Variants in QARS1 observed in about 807,000 individuals in gnomAD.
QARS1 encodes glutaminyl-tRNA synthetase 1.
QARS1 carries 79 observed loss-of-function variants against 106.9 expected under a neutral mutation model. The observed-to-expected ratio is 0.74, with a 90% CI of 0.62 to 0.89. The LOEUF (loss-of-function observed/expected upper bound fraction) is 0.89. Ranked by LOEUF, QARS1 falls within the 40% of genes least tolerant of loss-of-function variation. QARS1 has a pLI of 0.00. For synonymous variants in QARS1, 395 were observed against 367.7 expected, an observed-to-expected ratio of 1.07 and a Z score of -0.85; for missense variants, 966 against 997.2, an observed-to-expected ratio of 0.97 and a Z score of 0.42.
Position 49,098,819 on chromosome 3 carries a change from G to A in QARS1, c.1863+66C>T, listed in dbSNP as rs2042426761. The A allele has an allele frequency of 2.7e-6, 4 of 1,508,394 alleles. No individual in the cohort carries two copies. In the South Asian group the frequency reaches 3.4e-5, roughly 13 times the overall value. The allele number at this position is 1,508,394 out of a possible 1,614,324, so 93.4% of individuals were successfully genotyped here. A position where few individuals can be genotyped will look rare whatever the true frequency, so the allele number is the denominator to read the frequency against. On this transcript the variant is annotated intron_variant, in intron 19 of 23. Transcript: ENST00000306125. The stretch of plus-strand genomic sequence containing the variant: ...AGGAAGTAGATGGACTGACAGAGAT[G>A]AGGAGATGAAAGGTTCCCAGTACCA...
At chr3:49,098,313 G>T (rs201648871) in intron 21 of QARS1, 40 bp downstream of exon 21, 1 of 1,614,212 alleles carries the variant, frequency 6.2e-7, no homozygotes, top group East Asian at 2.2e-5. Context: ...CAGGCAATGT[G>T]CATCTTGTAC....
At chr3:49,097,501 A>T (rs1197118921) in intron 23 of QARS1, among the ~76,000 whole-genome samples, 3 of 143,942 alleles carry the variant, frequency 2.1e-5, no homozygotes, top group East Asian at 2.1e-4. Context: ...AATAATAATT[A>T]AAAAAAAAAA....
intron 17 of QARS1, 39 bp from the exon 18 acceptor site, chr3:49,099,292 C>T (rs1356489930): frequency 6.2e-7 from 1 of 1,614,042 alleles, no homozygotes; most frequent in Non-Finnish European, 8.5e-7. Context: ...GCTACAATCA[C>T]AAACTGCCAC....
At chr3:49,103,478 A>G in intron 4 of QARS1, 69 bp from the exon 5 acceptor site, 2 of 1,600,630 alleles carry the variant, frequency 1.2e-6, no homozygotes, top group Non-Finnish European at 1.7e-6. Context: ...TTTCCCAAGG[A>G]AAGGTCCTGG....
At chr3:49,099,033 T>C (rs758527254) in intron 18 of QARS1, 44 bp from the exon 19 acceptor site, 2 of 1,612,210 alleles carry the variant, frequency 1.2e-6, no homozygotes, top group African/African-American at 1.3e-5. Flanking sequence ...TACTCAGCAT[T>C]AGGACCCCCA....
Position 49,099,129 on chromosome 3 carries a change from GTGA to G in QARS1, c.1736_1738del (p.Ile579del). ...GCCCACCTTGGCAGCAGGAAAGTTG[GTGA>G]TGATGACCCGTAGTGACTCCAGCAC... is the stretch of plus-strand genomic sequence containing the variant. On this transcript the variant is annotated inframe_deletion, in exon 18 of 24. Coordinates refer to ENST00000306125, the MANE Select transcript of QARS1 (RefSeq NM_005051.3). 1 of 1,614,200 alleles carries G rather than the reference GTGA, an allele frequency of 6.2e-7. No homozygotes were observed. Among genetic ancestry groups the G allele is most frequent in the South Asian group, 1.1e-5 (1 of 91,082 alleles).
rs766663559 is a variant in QARS1, at chr3:49,102,202, C to T, written c.631+3G>A. 6.2e-7 allele frequency: 1 copy of T among 1,614,104 alleles called. No individual in the cohort carries two copies. The highest frequency in any genetic ancestry group is 1.3e-5 in the African/African-American group (1 of 74,946). Reference sequence around the variant, plus strand: ...GCTGTGACAGGAGTCTCAAGCTTCTCACCATTCTCCACCACATCCTTTGCC... The same window carrying T: ...GCTGTGACAGGAGTCTCAAGCTTCTTACCATTCTCCACCACATCCTTTGCC... On this transcript the variant is annotated splice_donor_region_variant and intron_variant, in intron 7 of 23. Coordinates refer to ENST00000306125, the MANE Select transcript of QARS1 (RefSeq NM_005051.3).
At position 49,098,875 on chromosome 3, in the gene QARS1, C is replaced by A. The variant is rs749903302; in HGVS notation, c.1863+10G>T. ...AGCAGCAAACGGGACCCTCCACCCC[C>A]ACAATTTACCTCCTTGAAGTCAGTC... On this transcript the variant is annotated intron_variant, in intron 19 of 23. Coordinates refer to ENST00000306125, the MANE Select transcript of QARS1 (RefSeq NM_005051.3). The A allele has an allele frequency of 1.0e-5, 16 of 1,605,370 alleles. No individual in the cohort carries two copies. Among genetic ancestry groups the A allele is most frequent in the East Asian group, 2.2e-5 (1 of 44,828 alleles).
At chr3:49,102,178 C>CTGTG in intron 7 of QARS1, 27 bp downstream of exon 7, 1 of 1,614,026 alleles carries the variant, frequency 6.2e-7, no homozygotes, top group African/African-American at 1.3e-5. Flanking sequence ...GAGCTGAATG[C>CTGTG]TGTGACAGGA....
intron 23 of QARS1, among the ~76,000 whole-genome samples, chr3:49,096,798 CAAAAAAAAAAAAAAAAAAA>C (rs770587253): frequency 0.076 from 1,070 of 14,170 alleles, 33 homozygotes; most frequent in Middle Eastern, 0.43. Context: ...GACTCCGTCT[CAAAAAAAAAAAAAAAAAAA>C]AAAAAAAAAA....
rs773994067 is a variant in QARS1 at position 49,099,366 on chromosome 3, G to T, written c.1592C>A (p.Ala531Asp). Residue 531 changes from alanine (A) to aspartate (D), a missense_variant, in exon 17 of 24, where the codon GCC becomes GAC. Coordinates refer to ENST00000306125, the MANE Select transcript of QARS1 (RefSeq NM_005051.3). Reference sequence around the variant, plus strand: ...TACCCGGGCACAGAAGTTGTTGATGGCCTCAGGTGGGAAGCCCCGCCGTCG... The same window carrying T: ...TACCCGGGCACAGAAGTTGTTGATGTCCTCAGGTGGGAAGCCCCGCCGTCG... ...ALRRRGFPPE[A>D]INNFCARVGV... 12 of 1,614,174 alleles carry T rather than the reference G, an allele frequency of 7.4e-6. No individual in the cohort carries two copies. The highest frequency in any genetic ancestry group is 1.0e-5 in the Non-Finnish European group (12 of 1,179,986).
Position 49,101,876 on chromosome 3 carries a change from A to C in QARS1, c.655T>G (p.Ser219Ala), listed in dbSNP as rs1394908029. 1 of 1,612,242 alleles carries C rather than the reference A, an allele frequency of 6.2e-7. No individual in the cohort carries two copies. The highest frequency in any genetic ancestry group is 8.5e-7 in the Non-Finnish European group (1 of 1,179,132). The change falls in exon 8 of 24, where the codon TCT becomes GCT. Residue 219 changes from serine (S) to alanine (A), a missense_variant. Physicochemically the swap from Ser to Ala is moderately conservative, Grantham distance 99. Coordinates refer to ENST00000306125, the MANE Select transcript of QARS1 (RefSeq NM_005051.3). ...TCCCCCCGGAGCTGCTCCATCAGAG[A>C]CAGGGTCTGGTCAGCAGTCTCGCCT... Reference protein sequence around the residue: ...ENGETADQTLSLMEQLRGEAL... With the variant: ...ENGETADQTLALMEQLRGEAL...
Position 49,099,365 on chromosome 3 carries a change from G to A in QARS1, c.1593C>T (p.Ala531=). Residue 531 remains alanine, a synonymous_variant, in exon 17 of 24, where the codon GCC becomes GCT. Transcript: ENST00000306125. ...ATACCCGGGCACAGAAGTTGTTGAT[G>A]GCCTCAGGTGGGAAGCCCCGCCGTC... ...ALRRRGFPPE[A]INNFCARVGV... 1 of 1,614,192 alleles carries A rather than the reference G, an allele frequency of 6.2e-7. No individual in the cohort carries two copies. The highest frequency in any genetic ancestry group is 2.2e-5 in the East Asian group (1 of 44,890).
rs1009354427 is a variant in QARS1, at chr3:49,098,497, G to A, written c.1957-17C>T. On this transcript the variant is annotated splice_polypyrimidine_tract_variant and intron_variant, in intron 20 of 23. Transcript: ENST00000306125. ...ACTGGGGCCCTGGAAGTGGGGGGAG[G>A]GGAGCAGCAATTAGACCCGGGAACC... 1 of 1,614,066 alleles carries A rather than the reference G, an allele frequency of 6.2e-7. No homozygotes were observed. The highest frequency in any genetic ancestry group is 8.5e-7 in the Non-Finnish European group (1 of 1,179,996).
At position 49,104,350 on chromosome 3, in the gene QARS1, T is replaced by C. The variant is rs1018470866; in HGVS notation, c.239A>G (p.Lys80Arg). The change falls in exon 2 of 24, where the codon AAG becomes AGG. Residue 80 changes from lysine to arginine, a missense_variant. Transcript: ENST00000306125. Reference protein sequence around the residue: ...SFLVSYIASKKIHTEPQLSAA... With the variant: ...SFLVSYIASKRIHTEPQLSAA... ...GCTTAGCTGGGGCTCAGTGTGGATC[T>C]TCTTACTGGCTATGTAGCTTACAAG... The C allele has an allele frequency of 3.7e-6, 6 of 1,614,102 alleles. No homozygotes were observed. Among genetic ancestry groups the C allele is most frequent in the African/African-American group, 1.3e-5 (1 of 74,944 alleles).
chr3:49,100,164 A>G, intron 13 of QARS1, 26 bp downstream of exon 13: 1 of 1,614,170 alleles, frequency 6.2e-7, no homozygotes. Flanking sequence ...GCCCACCCAA[A>G]CCCAGATGCT....
intron 7 of QARS1, 23 bp from the exon 8 acceptor site, chr3:49,101,922 A>C (rs2042477155): frequency 2.5e-6 from 4 of 1,598,750 alleles, no homozygotes; most frequent in Non-Finnish European, 3.4e-6. Context: ...AAACAAGGAA[A>C]ACTTGTCCTC....
In QARS1 at chr3:49,104,724, G is replaced by C. The variant is rs768505058; in HGVS notation, c.10C>G (p.Leu4Val). The change falls in exon 1 of 24, where the codon CTA becomes GTA. Residue 4 changes from leucine to valine, a missense_variant. Physicochemically the swap from Leu to Val is conservative, Grantham distance 32. Transcript: ENST00000306125. ...CTAGTGAAGAGCGACAGGGAGTCTA[G>C]AGCCGCCATTGCAGAGACACCGGAA... MAA[L>V]DSLSLFTSLG... 6.2e-6 allele frequency: 10 copies of C among 1,612,664 alleles called. No homozygotes were observed. The highest frequency in any genetic ancestry group is 8.5e-6 in the Non-Finnish European group (10 of 1,179,318).
chr3:49,102,944 C>G (rs750288446), intron 5 of QARS1, among the ~76,000 whole-genome samples: 4 of 151,892 alleles, frequency 2.6e-5, no homozygotes, highest in Non-Finnish European at 4.4e-5. Flanking sequence ...ATGCCCAGCC[C>G]CCTCCCACCT....
Sources: allele counts gnomAD v4.1 joint callset (sites outside exome capture counted in the v4.1 genomes callset), GRCh38; gene constraint gnomAD v4.1.1; transcripts MANE v1.5; gene names NCBI Gene and HGNC (gene_info 2026-07-23, HGNC 2026-07-21).